NELL2: variants seen among roughly 807,000 people sequenced by gnomAD.
The protein encoded by NELL2 is neural EGFL like 2.
NELL2 carries 41 observed loss-of-function variants against 109.6 expected under a neutral mutation model. That is an observed-to-expected ratio of 0.37 (90% CI 0.29 to 0.49). NELL2 has a LOEUF of 0.49. Among genes scored for constraint, NELL2 ranks in the 20% least tolerant of loss-of-function variants. The probability of loss-of-function intolerance (pLI) is 0.98; values close to 1 mark genes in which losing one functional copy is unlikely to be tolerated. For synonymous variants in NELL2, 355 were observed against 344.7 expected, an observed-to-expected ratio of 1.03 and a Z score of -0.33; for missense variants, 900 against 1,008.3, an observed-to-expected ratio of 0.89 and a Z score of 1.45.
chr12:44,766,777 T>C lies in NELL2; in HGVS notation c.994+7970A>G, dbSNP rs192493538. On this transcript the variant is annotated intron_variant, in intron 9 of 19. Coordinates refer to ENST00000429094, the MANE Select transcript of NELL2 (RefSeq NM_001145108.2). ...GAATCCCATTTTGGTCCCCTAGAACTGTGCTAGACAGTTTGATTTAATTAT... is the reference window on the plus strand; with the variant it reads ...GAATCCCATTTTGGTCCCCTAGAACCGTGCTAGACAGTTTGATTTAATTAT... Among the ~76,000 whole-genome samples, 401 of 152,362 alleles carry C rather than the reference T, an allele frequency of 2.6e-3. 4 individuals are homozygous for C. Among genetic ancestry groups the C allele is most frequent in the Non-Finnish European group, 1.7e-3 (114 of 68,036 alleles).
intron 9 of NELL2, among the ~76,000 whole-genome samples, chr12:44,758,154 T>C (rs1940972348): frequency 6.6e-6 from 1 of 152,100 alleles, no homozygotes; most frequent in Non-Finnish European, 1.5e-5. Flanking sequence ...CTGAGAATTT[T>C]TGGTAGTTTC....
chr12:44,620,260 T>G (rs1483247257), intron 13 of NELL2, among the ~76,000 whole-genome samples: 1 of 152,062 alleles, frequency 6.6e-6, no homozygotes, highest in Non-Finnish European at 1.5e-5. Flanking sequence ...CTCAAATCTG[T>G]TTAACGACCG....
chr12:44,680,754 C>T (rs1027087775), intron 12 of NELL2, among the ~76,000 whole-genome samples: 1 of 152,152 alleles, frequency 6.6e-6, no homozygotes, highest in Non-Finnish European at 1.5e-5. Context: ...ACTCAAATAT[C>T]TCCCTGTTCT....
At chr12:44,799,121 G>T (rs1041019252) in intron 3 of NELL2, among the ~76,000 whole-genome samples, 1 of 151,666 alleles carries the variant, frequency 6.6e-6, no homozygotes. Context: ...ACCATGCCTG[G>T]CTAATTTTTT....
intron 9 of NELL2, among the ~76,000 whole-genome samples, chr12:44,759,272 A>C (rs756080592): frequency 2.0e-5 from 3 of 152,158 alleles, no homozygotes; most frequent in Non-Finnish European, 4.4e-5. Flanking sequence ...TGTCCCTTTC[A>C]ATGTGACTTT....
chr12:44,575,308 C>A (rs1419484928), intron 15 of NELL2, among the ~76,000 whole-genome samples: 1 of 152,174 alleles, frequency 6.6e-6, no homozygotes, highest in Admixed American at 6.5e-5. Context: ...ATAGATATAA[C>A]ATAATAATTG....
intron 11 of NELL2, among the ~76,000 whole-genome samples, chr12:44,709,005 T>C (rs1298810617): frequency 6.6e-6 from 1 of 152,198 alleles, no homozygotes; most frequent in Non-Finnish European, 1.5e-5. Context: ...ATAGATGTAG[T>C]TAAGGTTTCT....
chr12:44,629,041 A>G (rs552821575), intron 13 of NELL2, among the ~76,000 whole-genome samples: 5 of 152,214 alleles, frequency 3.3e-5, no homozygotes, highest in Non-Finnish European at 7.3e-5. Flanking sequence ...TTCAAGAGAC[A>G]TGATATTATG....
intron 15 of NELL2, among the ~76,000 whole-genome samples, chr12:44,588,907 C>T (rs923629281): frequency 1.3e-5 from 2 of 152,170 alleles, no homozygotes; most frequent in African/African-American, 4.8e-5. Flanking sequence ...GACTTTCTGT[C>T]TATAATTTCA....
intron 11 of NELL2, 29 bp from the exon 12 acceptor site, chr12:44,703,883 G>A (rs761685139): frequency 5.0e-6 from 8 of 1,592,572 alleles, no homozygotes; most frequent in Non-Finnish European, 1.7e-6. Flanking sequence ...ATTTATTAAG[G>A]TAAATGAAAC....
chr12:44,755,369 C>T (rs1940841688), intron 9 of NELL2, among the ~76,000 whole-genome samples: 1 of 152,180 alleles, frequency 6.6e-6, no homozygotes, highest in Admixed American at 6.5e-5. Flanking sequence ...TACATACACA[C>T]ACGCACATGC....
At chr12:44,577,828 C>A (rs977967944) in intron 15 of NELL2, among the ~76,000 whole-genome samples, 1 of 152,046 alleles carries the variant, frequency 6.6e-6, no homozygotes, top group Admixed American at 6.6e-5. Context: ...AGACCTTGAT[C>A]GTTGCATTTA....
At chr12:44,665,419 A>C (rs1254979682) in intron 13 of NELL2, 65 bp downstream of exon 13, 1 of 1,445,952 alleles carries the variant, frequency 6.9e-7, no homozygotes, top group African/African-American at 1.4e-5. Flanking sequence ...ATGAGAGTCA[A>C]AGAAATTTTT....
intron 3 of NELL2, among the ~76,000 whole-genome samples, chr12:44,808,487 A>T (rs1943074946): frequency 6.6e-6 from 1 of 152,026 alleles, no homozygotes; most frequent in African/African-American, 2.4e-5. Context: ...GAGATAAATA[A>T]TGATATAGAA....
intron 14 of NELL2, among the ~76,000 whole-genome samples, chr12:44,609,731 C>T (rs1945539693): frequency 1.3e-5 from 2 of 152,028 alleles, no homozygotes; most frequent in South Asian, 4.1e-4. Flanking sequence ...GCCTACCCAT[C>T]TCTGGCTACA....
intron 15 of NELL2, among the ~76,000 whole-genome samples, chr12:44,578,417 TA>T (rs1411093204): frequency 9.5e-6 from 1 of 104,978 alleles, no homozygotes; most frequent in African/African-American, 4.2e-5. Flanking sequence ...GAAAGTAAAG[TA>T]ATTGATCAAG....
intron 3 of NELL2, among the ~76,000 whole-genome samples, chr12:44,788,910 C>A (rs528411932): frequency 1.3e-5 from 2 of 152,078 alleles, no homozygotes; most frequent in South Asian, 2.1e-4. Context: ...TCCCTAACAA[C>A]CTTCATGACT....
intron 13 of NELL2, among the ~76,000 whole-genome samples, chr12:44,646,043 A>T (rs1408602639): frequency 1.3e-5 from 2 of 151,972 alleles, no homozygotes; most frequent in Non-Finnish European, 2.9e-5. Flanking sequence ...CCCTTCATAG[A>T]TTATAAAGTC....
chr12:44,510,132 C>T (rs1940929685), intron 19 of NELL2, among the ~76,000 whole-genome samples: 1 of 152,216 alleles, frequency 6.6e-6, no homozygotes, highest in Non-Finnish European at 1.5e-5. Context: ...TTACTTTTCT[C>T]AACCAGCTAA....
Sources: allele counts gnomAD v4.1 joint callset (sites outside exome capture counted in the v4.1 genomes callset), GRCh38; gene constraint gnomAD v4.1.1; transcripts MANE v1.5; gene names NCBI Gene and HGNC (gene_info 2026-07-23, HGNC 2026-07-21).